The following DAB1 variants were observed in gnomAD, a reference collection of about 807,000 sequenced individuals.
DAB1 encodes the protein disabled homolog 1.
Under a neutral mutation model 64.6 loss-of-function variants are expected in DAB1, and 15 were observed. The observed-to-expected ratio is 0.23, with a 90% confidence interval of 0.16 to 0.36. DAB1 has a LOEUF of 0.36. Ranked by LOEUF, DAB1 falls within the 10% of genes least tolerant of loss-of-function variation. The pLI is 1.00. For synonymous variants in DAB1, 235 were observed against 251.9 expected (o/e 0.93, Z 0.64); for missense variants, 596 against 706.7 (o/e 0.84, Z 1.78).
intron 7 of DAB1, among the ~76,000 whole-genome samples, chr1:57,545,918 A>T (rs1038720778): frequency 6.6e-6 from 1 of 152,204 alleles, no homozygotes; most frequent in Non-Finnish European, 1.5e-5. Flanking sequence ...GGAATACTCC[A>T]GAATAAAGAT....
At chr1:57,113,329 G>T (rs1193833170) in intron 4 of DAB1, among the ~76,000 whole-genome samples, 1 of 152,204 alleles carries the variant, frequency 6.6e-6, no homozygotes, top group Non-Finnish European at 1.5e-5. Flanking sequence ...TGAGGAATTT[G>T]AGGCTATTTA....
chr1:58,045,935 AT>A (rs61118687), intron 5 of DAB1, among the ~76,000 whole-genome samples: 6,555 of 145,050 alleles, frequency 0.045, 128 homozygotes, highest in South Asian at 0.058. Flanking sequence ...AAGATTATCA[AT>A]TTTTTTTTTT....
At chr1:57,146,733 G>T (rs1463469927) in intron 2 of DAB1, among the ~76,000 whole-genome samples, 2 of 152,178 alleles carry the variant, frequency 1.3e-5, no homozygotes, top group Non-Finnish European at 1.5e-5. Flanking sequence ...ACAGATGAAT[G>T]AGACAATATC....
Position 58,406,347 on chromosome 1 carries a change from G to C in DAB1, n.258-62944C>G, listed in dbSNP as rs148273650. On this transcript the variant is annotated intron_variant and non_coding_transcript_variant, in intron 3 of 20. Transcript: ENST00000485760. ...AAAAAGAGAACGACCTCTTTTGAGA[G>C]TCACCCACCTGTAATTGGCACAGCC... Among the ~76,000 whole-genome samples the C allele has an allele frequency of 3.9e-3, 591 of 152,306 alleles. 5 individuals are homozygous for C. The highest frequency in any genetic ancestry group is 0.013 in the African/African-American group (543 of 41,560).
intron 2 of DAB1, among the ~76,000 whole-genome samples, chr1:57,179,342 G>A (rs914635369): frequency 1.3e-5 from 2 of 152,172 alleles, no homozygotes; most frequent in Non-Finnish European, 2.9e-5. Flanking sequence ...CTCCGTGACT[G>A]GGGAAACCCC....
At chr1:57,825,189 A>G (rs1652290333), downstream of DAB1, among the ~76,000 whole-genome samples, 2 of 152,074 alleles carry the variant, frequency 1.3e-5, no homozygotes, top group African/African-American at 2.4e-5. Context: ...GCTCCTGGTA[A>G]CCCCAGACTG....
intron 2 of DAB1, among the ~76,000 whole-genome samples, chr1:57,188,528 A>G (rs1484556654): frequency 6.6e-6 from 1 of 152,186 alleles, no homozygotes; most frequent in Non-Finnish European, 1.5e-5. Flanking sequence ...AGAAAACAAG[A>G]GCTGTCACTG....
chr1:57,970,655 G>C (rs915963260), intron 5 of DAB1, among the ~76,000 whole-genome samples: 2 of 152,066 alleles, frequency 1.3e-5, no homozygotes, highest in Non-Finnish European at 2.9e-5. Flanking sequence ...CTTTCCCTTT[G>C]AATCCAAAGC....
intron 11 of DAB1, among the ~76,000 whole-genome samples, chr1:57,020,136 G>A (rs1390752060): frequency 6.6e-6 from 1 of 152,154 alleles, no homozygotes; most frequent in Non-Finnish European, 1.5e-5. Flanking sequence ...ACCCTGTGCA[G>A]CTTACATTTT....
At chr1:57,097,979 G>T (rs548831035) in intron 4 of DAB1, among the ~76,000 whole-genome samples, 7 of 152,096 alleles carry the variant, frequency 4.6e-5, no homozygotes, top group African/African-American at 1.7e-4. Flanking sequence ...GGGTTTCACC[G>T]TGTTAGCCAG....
chr1:58,226,668 T>G (rs1659500611), intron 4 of DAB1, among the ~76,000 whole-genome samples: 3 of 152,262 alleles, frequency 2.0e-5, no homozygotes, highest in African/African-American at 7.2e-5. Context: ...GATTTCTCAG[T>G]ACAAGACACT....
chr1:58,142,757 G>A (rs185946573), intron 5 of DAB1, among the ~76,000 whole-genome samples: 204 of 152,278 alleles, frequency 1.3e-3, no homozygotes, highest in African/African-American at 4.7e-3. Flanking sequence ...TTGCTCAGAT[G>A]CCCCTACCTC....
intron 5 of DAB1, among the ~76,000 whole-genome samples, chr1:58,139,317 G>A (rs1654147942): frequency 6.6e-6 from 1 of 152,132 alleles, no homozygotes; most frequent in Non-Finnish European, 1.5e-5. Context: ...ATGCTACTAT[G>A]AAGAAATACC....
intron 3 of DAB1, among the ~76,000 whole-genome samples, chr1:58,424,883 G>A (rs1337283999): frequency 1.3e-5 from 2 of 152,142 alleles, no homozygotes; most frequent in Non-Finnish European, 2.9e-5. Context: ...AGCACTGAAA[G>A]GATGATGTCA....
intron 2 of DAB1, among the ~76,000 whole-genome samples, chr1:57,207,740 G>A (rs536828498): frequency 1.1e-4 from 17 of 152,204 alleles, no homozygotes; most frequent in Admixed American, 9.8e-4. Context: ...CACCGCGCCC[G>A]GCACCTTATT....
intron 7 of DAB1, among the ~76,000 whole-genome samples, chr1:57,434,550 T>C (rs1570514890): frequency 6.6e-6 from 1 of 152,264 alleles, no homozygotes; most frequent in Non-Finnish European, 1.5e-5. Context: ...TTTAATGTAG[T>C]GTTGGTTATA....
chr1:57,390,169 G>A (rs764715021), intron 1 of DAB1, among the ~76,000 whole-genome samples: 3 of 152,152 alleles, frequency 2.0e-5, no homozygotes, highest in Non-Finnish European at 4.4e-5. Flanking sequence ...CCTATGTGGC[G>A]CTCTTAAGTA....
intron 2 of DAB1, among the ~76,000 whole-genome samples, chr1:57,245,403 C>T (rs1009503692): frequency 6.6e-6 from 1 of 152,110 alleles, no homozygotes; most frequent in African/African-American, 2.4e-5. Flanking sequence ...CTTACATTAG[C>T]TATTTCTCCT....
intron 1 of DAB1, among the ~76,000 whole-genome samples, chr1:57,340,203 C>A (rs1400473528): frequency 6.6e-6 from 1 of 152,214 alleles, no homozygotes; most frequent in Non-Finnish European, 1.5e-5. Flanking sequence ...GACTTAAACT[C>A]TTCTACAGAA....
Sources: allele counts gnomAD v4.1 joint callset (sites outside exome capture counted in the v4.1 genomes callset), GRCh38; gene constraint gnomAD v4.1.1; transcripts MANE v1.5; gene names NCBI Gene and HGNC (gene_info 2026-07-23, HGNC 2026-07-21).